The following KIF3B variants were observed in gnomAD, a reference collection of about 807,000 sequenced individuals.
The protein encoded by KIF3B is kinesin-like protein KIF3B.
Under a neutral mutation model 74.3 loss-of-function variants are expected in KIF3B, and 38 were observed. The ratio of observed to expected loss-of-function variants is 0.51; its 90% CI spans 0.39 to 0.67. The LOEUF (loss-of-function observed/expected upper bound fraction) is 0.67, where lower values mean the gene tolerates loss of function less well. KIF3B is among the 30% of genes least tolerant of loss of function. The probability of loss-of-function intolerance (pLI) is 0.00; values close to 1 mark genes in which losing one functional copy is unlikely to be tolerated. For synonymous variants in KIF3B, 326 were observed against 342.5 expected, an observed-to-expected ratio of 0.95 and a Z score of 0.53; for missense variants, 649 against 932.0, an observed-to-expected ratio of 0.70 and a Z score of 3.95.
In KIF3B at chr20:32,331,656, C is replaced by G; in HGVS notation, c.*337C>G. On this transcript the variant is annotated 3_prime_UTR_variant, in exon 9 of 9. Transcript: ENST00000375712. ...TTCCCCTGTGCTCCCTTTCTCTCCT[C>G]TCTCCTTTTCTAGCCTGTTCTTTAC... The G allele has an allele frequency of 3.4e-6, 1 of 293,408 alleles. No individual in the cohort carries two copies. The highest frequency in any genetic ancestry group is 6.3e-6 in the Non-Finnish European group (1 of 158,430). The allele number at this position is 293,408 out of a possible 1,614,324, so 18.2% of individuals were successfully genotyped here.
In KIF3B at chr20:32,308,840, C is replaced by G. The variant is rs552071019; in HGVS notation, c.-65-873C>G. Among the ~76,000 whole-genome samples the G allele has an allele frequency of 2.2e-4, 34 of 151,980 alleles. No homozygotes were observed. The East Asian group carries it at 4.1e-3, about 18-fold the overall frequency. ...ACGCCATTCTCCTGCCTCAGCCTCC[C>G]AAGTAGCTGGGACTATAGGCGCCTG... is the stretch of plus-strand genomic sequence containing the variant. On this transcript the variant is annotated intron_variant, in intron 1 of 8. Transcript: ENST00000375712.
chr20:32,310,321 T>A lies in KIF3B; in HGVS notation c.544T>A (p.Phe182Ile). The A allele has an allele frequency of 6.2e-7, 1 of 1,613,890 alleles. No homozygotes were observed. Among genetic ancestry groups the A allele is most frequent in the Non-Finnish European group, 8.5e-7 (1 of 1,179,844 alleles). Residue 182 changes from phenylalanine (F) to isoleucine (I), a missense_variant, in exon 2 of 9, where the codon TTT becomes ATT. Phe to Ile is a conservative substitution (Grantham distance 21). Coordinates refer to ENST00000375712, the MANE Select transcript of KIF3B (RefSeq NM_004798.4). This position sits in a 1 kb window ranked among gnomAD's most constrained non-coding sequence, Gnocchi z 6.5. ...AGTGTATGTGAAAGACCTGTCTTCC[T>A]TTGTCACCAAGAGTGTGAAGGAGAT... is the stretch of plus-strand genomic sequence containing the variant. Reference protein sequence around the residue: ...TGVYVKDLSSFVTKSVKEIEH... With the variant: ...TGVYVKDLSSIVTKSVKEIEH...
intron 5 of KIF3B, among the ~76,000 whole-genome samples, chr20:32,323,306 G>A (rs933968325): frequency 4.7e-5 from 7 of 148,794 alleles, no homozygotes; most frequent in Non-Finnish European, 1.5e-5. Flanking sequence ...TGGTTTGCTC[G>A]TTTTAAGATC....
In KIF3B at chr20:32,333,653, A is replaced by AC. The variant is rs2047941778; in HGVS notation, c.*2334_*2335insC. On this transcript the variant is annotated 3_prime_UTR_variant, in exon 9 of 9. Coordinates refer to ENST00000375712, the MANE Select transcript of KIF3B (RefSeq NM_004798.4). ...CCCTCAAAAAAAAAAAAAAAAAAAAAAAAAACAGAAAGAAAGAAAAAGAAA... is the reference window on the plus strand; with the variant it reads ...CCCTCAAAAAAAAAAAAAAAAAAAAACAAAAACAGAAAGAAAGAAAAAGAAA... 2 of 151,426 alleles carry AC rather than the reference A, an allele frequency of 1.3e-5. No homozygotes were observed. The highest frequency in any genetic ancestry group is 6.6e-5 in the Admixed American group (1 of 15,134). 9.4% of individuals were successfully genotyped at this position (151,426 alleles called of 1,614,324 possible). A position where few individuals can be genotyped will look rare whatever the true frequency, so the allele number is the denominator to read the frequency against.
At chr20:32,323,112 T>TTATATATTTA (rs2047882798) in intron 5 of KIF3B, among the ~76,000 whole-genome samples, 1 of 63,734 alleles carries the variant, frequency 1.6e-5, no homozygotes, top group African/African-American at 4.4e-5. Context: ...TTATATATAT[T>TTATATATTTA]TATATATTTA....
chr20:32,298,773 A>T (rs999225090), intron 1 of KIF3B, among the ~76,000 whole-genome samples: 1 of 151,684 alleles, frequency 6.6e-6, no homozygotes, highest in African/African-American at 2.4e-5. Flanking sequence ...GGCTCAAGTG[A>T]TCCTTCCACC....
At chr20:32,299,175 T>C (rs1009390032) in intron 1 of KIF3B, among the ~76,000 whole-genome samples, 26 of 151,782 alleles carry the variant, frequency 1.7e-4, no homozygotes, top group African/African-American at 6.3e-4. Flanking sequence ...GTAGTCCATA[T>C]TGTCTCTATT....
At chr20:32,330,922 T>G (rs936614879) in intron 8 of KIF3B, among the ~76,000 whole-genome samples, 1 of 152,190 alleles carries the variant, frequency 6.6e-6, no homozygotes, top group Non-Finnish European at 1.5e-5. Flanking sequence ...ATGGAAGAAA[T>G]TCTACCTGCA....
intron 7 of KIF3B, among the ~76,000 whole-genome samples, chr20:32,328,991 CCT>C (rs1425815873): frequency 2.0e-5 from 3 of 152,048 alleles, no homozygotes; most frequent in African/African-American, 7.2e-5. Flanking sequence ...TACTGCAACC[CCT>C]GTCTCCTGGG....
chr20:32,326,712 T>G, intron 5 of KIF3B, 59 bp from the exon 6 acceptor site: 1 of 735,688 alleles, frequency 1.4e-6, no homozygotes, highest in Non-Finnish European at 2.4e-6. Flanking sequence ...TGAGACCAGA[T>G]AGCTGACACT....
At chr20:32,316,687 A>G (rs2047829244) in intron 4 of KIF3B, 38 bp downstream of exon 4, 1 of 1,614,018 alleles carries the variant, frequency 6.2e-7, no homozygotes, top group South Asian at 1.1e-5. Context: ...TTGCCTTGAG[A>G]CTTGGGGAAA....
At chr20:32,325,346 C>T (rs1162456274) in intron 5 of KIF3B, among the ~76,000 whole-genome samples, 3 of 151,876 alleles carry the variant, frequency 2.0e-5, no homozygotes, top group Admixed American at 6.6e-5. Flanking sequence ...AGGTCAACCA[C>T]GCACGGCTAA....
At position 32,326,844 on chromosome 20, in the gene KIF3B, G is replaced by A. The variant is rs755529555; in HGVS notation, c.1822G>A (p.Glu608Lys). ...TATGAATAGAGCCTTCTTTGATGAA[G>A]AGGAAGATCATTGGAAACTACATCC... ...KIMNRAFFDE[E>K]EDHWKLHPIT... Residue 608 changes from glutamate to lysine, a missense_variant, in exon 6 of 9, where the codon GAG becomes AAG. By Grantham distance (56) the Glu-to-Lys change is moderately conservative. Transcript: ENST00000375712. 2 of 1,593,400 alleles carry A rather than the reference G, an allele frequency of 1.3e-6. No individual in the cohort carries two copies. Among genetic ancestry groups the A allele is most frequent in the African/African-American group, 2.7e-5 (2 of 74,292 alleles).
chr20:32,291,991 T>C (rs2047693691), intron 1 of KIF3B, among the ~76,000 whole-genome samples: 1 of 151,982 alleles, frequency 6.6e-6, no homozygotes, highest in African/African-American at 2.4e-5. Context: ...CAGAGCTCAC[T>C]GCTGCCTCAA....
chr20:32,291,617 ATTT>A (rs11475041), intron 1 of KIF3B, among the ~76,000 whole-genome samples: 8 of 128,522 alleles, frequency 6.2e-5, no homozygotes, highest in East Asian at 4.8e-4. Context: ...TGTCTTATAC[ATTT>A]TTTTTTTTTT....
At chr20:32,282,921 A>C (rs2122652617) in intron 1 of KIF3B, among the ~76,000 whole-genome samples, 2 of 152,352 alleles carry the variant, frequency 1.3e-5, no homozygotes, top group Admixed American at 1.3e-4. Flanking sequence ...CTTCATTGTT[A>C]TGTATTCCAG....
At chr20:32,315,199 A>G (rs1196652632) in intron 2 of KIF3B, among the ~76,000 whole-genome samples, 1 of 152,210 alleles carries the variant, frequency 6.6e-6, no homozygotes, top group Non-Finnish European at 1.5e-5. Flanking sequence ...CTGATTGTGT[A>G]GCCTCATGCT....
intron 2 of KIF3B, 29 bp from the exon 3 acceptor site, chr20:32,316,189 A>G (rs773990734): frequency 8.1e-7 from 1 of 1,241,162 alleles, no homozygotes; most frequent in Non-Finnish European, 1.2e-6. Flanking sequence ...ACCGTTCATG[A>G]GATGGATTCT....
chr20:32,320,688 T>TA (rs2047855906), intron 5 of KIF3B, among the ~76,000 whole-genome samples: 1 of 152,058 alleles, frequency 6.6e-6, no homozygotes, highest in African/African-American at 2.4e-5. Flanking sequence ...GCTAATTTTT[T>TA]AAAATTTTTT....
Sources: allele counts gnomAD v4.1 joint callset (sites outside exome capture counted in the v4.1 genomes callset), GRCh38; gene constraint gnomAD v4.1.1; non-coding constraint Gnocchi (gnomAD v3.1); transcripts MANE v1.5; gene names NCBI Gene and HGNC (gene_info 2026-07-23, HGNC 2026-07-21).